Variants in DYNLT2 observed in about 807,000 individuals in gnomAD.
DYNLT2 encodes dynein light chain Tctex-type protein 2.
A neutral mutation model predicts 24.3 loss-of-function variants in DYNLT2; 24 were observed. The ratio of observed to expected loss-of-function variants is 0.99; its 90% CI spans 0.71 to 1.39. DYNLT2 has a LOEUF of 1.39. DYNLT2 is among the 40% of genes most tolerant of loss of function. The pLI is 0.00. For missense variants in DYNLT2, 246 were observed against 234.5 expected (o/e 1.05, Z -0.32); for synonymous variants, 85 against 85.4 (o/e 1.00, Z 0.03).
the DYNLT2 span, among the ~76,000 whole-genome samples, chr6:169,732,977 C>A: frequency 6.6e-6 from 1 of 152,186 alleles, no homozygotes; most frequent in African/African-American, 2.4e-5. Context: ...AATCACCATT[C>A]TGACTGGTGT....
At chr6:169,740,831 A>G (rs984109248) in intron 3 of DYNLT2, among the ~76,000 whole-genome samples, 3 of 147,464 alleles carry the variant, frequency 2.0e-5, no homozygotes, top group African/African-American at 7.6e-5. Context: ...TTTTTGAGAC[A>G]TAGTTTCACT....
the DYNLT2 span, among the ~76,000 whole-genome samples, chr6:169,728,425 A>G: frequency 6.6e-6 from 1 of 152,242 alleles, no homozygotes; most frequent in African/African-American, 2.4e-5. Context: ...TGGCGACAGC[A>G]AAGTCTAGAG....
Position 169,744,090 on chromosome 6 carries a change from G to C in DYNLT2, c.305C>G (p.Thr102Ser). 1 of 1,612,454 alleles carries C rather than the reference G, an allele frequency of 6.2e-7. No homozygotes were observed. ...TACTGTTAGTATCTGCTGGACTTTAGTTTCTACTGAATGAGCTTGGAATTT... is the reference window on the plus strand; with the variant it reads ...TACTGTTAGTATCTGCTGGACTTTACTTTCTACTGAATGAGCTTGGAATTT... ...LKKFQAHSVE[T>S]KVQQILTESL... is the part of the protein sequence containing the mutation. The change falls in exon 2 of 4, where the codon ACT (threonine) becomes AGT (serine). Residue 102 changes from threonine (T) to serine (S), a missense_variant. Thr to Ser is a moderately conservative substitution (Grantham distance 58). Coordinates refer to ENST00000366774, the MANE Select transcript of DYNLT2 (RefSeq NM_174910.3).
rs993055180 is a variant in DYNLT2 at position 169,740,373 on chromosome 6, T to A, written c.487-78A>T. The A allele has an allele frequency of 3.4e-5, 28 of 813,480 alleles. No individual in the cohort carries two copies. The African/African-American group carries it at 3.6e-4, about 10-fold the overall frequency. 50.4% of individuals were successfully genotyped at this position (813,480 alleles called of 1,614,324 possible). On this transcript the variant is annotated intron_variant, in intron 3 of 3. Transcript: ENST00000366774. Reference sequence around the variant, plus strand: ...AATTTTCAAATCTACACTAGTTTTTTAAAAATGAATGCATCAGTATCTCAG... The same window carrying A: ...AATTTTCAAATCTACACTAGTTTTTAAAAAATGAATGCATCAGTATCTCAG...
chr6:169,751,366 C>T lies in DYNLT2; in HGVS notation c.93G>A (p.Arg31=). ...CCTCCTTCTCGAACATGCTAGGCCTCCTTTCTTTCCTAGGCGTCACCGGAG... is the reference window on the plus strand; with the variant it reads ...CCTCCTTCTCGAACATGCTAGGCCTTCTTTCTTTCCTAGGCGTCACCGGAG... ...QQAPVTPRKE[R]RPSMFEKEAY... Residue 31 remains arginine, a synonymous_variant, in exon 1 of 4, where the codon AGG becomes AGA. Transcript: ENST00000366774. 6.2e-6 allele frequency: 10 copies of T among 1,614,140 alleles called. No individual in the cohort carries two copies. The highest frequency in any genetic ancestry group is 8.5e-6 in the Non-Finnish European group (10 of 1,180,018).
In DYNLT2 at chr6:169,744,205, C is replaced by T. The variant is rs1374244935; in HGVS notation, c.190G>A (p.Asp64Asn). The change falls in exon 2 of 4, where the codon GAT becomes AAT. Residue 64 changes from aspartate (D) to asparagine (N), a missense_variant. Physicochemically the swap from Asp to Asn is conservative, Grantham distance 23. Coordinates refer to ENST00000366774, the MANE Select transcript of DYNLT2 (RefSeq NM_174910.3). ...TTACCTATATCAGCAATTGAGTCATCAAAAGGAGGCTCCACATACTGAACA... is the reference window on the plus strand; with the variant it reads ...TTACCTATATCAGCAATTGAGTCATTAAAAGGAGGCTCCACATACTGAACA... ...HNVQYVEPPFDDSIADIGKEW... is the reference protein window; with the variant it reads ...HNVQYVEPPFNDSIADIGKEW... 6.2e-7 allele frequency: 1 copy of T among 1,613,746 alleles called. No individual in the cohort carries two copies. Among genetic ancestry groups the T allele is most frequent in the Non-Finnish European group, 8.5e-7 (1 of 1,179,976 alleles).
chr6:169,734,577 A>G, the DYNLT2 span, among the ~76,000 whole-genome samples: 1 of 152,078 alleles, frequency 6.6e-6, no homozygotes, highest in South Asian at 2.1e-4. Flanking sequence ...TGTTTATGAG[A>G]TGGATTACAT....
intron 3 of DYNLT2, among the ~76,000 whole-genome samples, chr6:169,741,819 C>T (rs1240569229): frequency 6.6e-6 from 1 of 152,170 alleles, no homozygotes; most frequent in East Asian, 1.9e-4. Context: ...TGTCATATCC[C>T]TACCTTAATG....
downstream of DYNLT2, among the ~76,000 whole-genome samples, chr6:169,736,169 G>A (rs886476218): frequency 6.8e-6 from 1 of 147,996 alleles, no homozygotes; most frequent in Non-Finnish European, 1.5e-5. Context: ...CCATTTGCTT[G>A]GTAAATTTTC....
chr6:169,742,661 C>G (rs893172701), intron 3 of DYNLT2, among the ~76,000 whole-genome samples: 1 of 151,944 alleles, frequency 6.6e-6, no homozygotes, highest in Non-Finnish European at 1.5e-5. Flanking sequence ...TGCAGTGGAG[C>G]GAACTCGGGC....
intron 1 of DYNLT2, among the ~76,000 whole-genome samples, chr6:169,746,768 T>C (rs887200334): frequency 2.0e-5 from 3 of 152,060 alleles, no homozygotes; most frequent in Non-Finnish European, 4.4e-5. Flanking sequence ...GTGCTGGTAA[T>C]GTATTAACGG....
chr6:169,727,111 T>C, the DYNLT2 span, among the ~76,000 whole-genome samples: 1 of 152,216 alleles, frequency 6.6e-6, no homozygotes, highest in East Asian at 1.9e-4. Flanking sequence ...GAAGAATACA[T>C]TGTATTTATC....
rs377540074 is a variant in DYNLT2, at chr6:169,744,114, T to A, written c.281A>T (p.Lys94Ile). ...AGTTTCTACTGAATGAGCTTGGAAT[T>A]TCTTCAATGGCTCCATTCTATATGA... ...ANSYRMEPLK[K>I]FQAHSVETKV... The change falls in exon 2 of 4, where the codon AAA (lysine) becomes ATA (isoleucine). Residue 94 changes from lysine (K) to isoleucine (I), a missense_variant. Transcript: ENST00000366774. 6 of 1,612,966 alleles carry A rather than the reference T, an allele frequency of 3.7e-6. No homozygotes were observed. Among genetic ancestry groups the A allele is most frequent in the Non-Finnish European group, 5.1e-6 (6 of 1,179,988 alleles).
rs572488038 is a variant in DYNLT2, at chr6:169,744,252, C to G, written c.143G>C (p.Arg48Thr). 6.2e-7 allele frequency: 1 copy of G among 1,613,540 alleles called. No homozygotes were observed. Among genetic ancestry groups the G allele is most frequent in the Non-Finnish European group, 8.5e-7 (1 of 1,179,878 alleles). The change falls in exon 2 of 4, where the codon AGA (arginine) becomes ACA (threonine). Residue 48 changes from arginine to threonine, a missense_variant. By Grantham distance (71) the Arg-to-Thr change is moderately conservative (BLOSUM62 -1). Transcript: ENST00000366774. ...AACATTGTGAATTGACTCTCTCAGT[C>G]TTTCTCTTAAAATCTGTGTATACTG... Reference protein sequence around the residue: ...KEAYTQILRERLRESIHNVQY... With the variant: ...KEAYTQILRETLRESIHNVQY...
chr6:169,740,418 A>C, intron 3 of DYNLT2, 123 bp from the exon 4 acceptor site: 1 of 641,134 alleles, frequency 1.6e-6, no homozygotes, highest in Non-Finnish European at 2.8e-6. Context: ...TTAAGATGTA[A>C]TTTGTCTGGT....
chr6:169,728,170 AG>A, the DYNLT2 span, among the ~76,000 whole-genome samples: 8 of 152,208 alleles, frequency 5.3e-5, no homozygotes, highest in Non-Finnish European at 1.0e-4. Flanking sequence ...GGTGAGGAAG[AG>A]GGACAAAGAA....
the DYNLT2 span, among the ~76,000 whole-genome samples, chr6:169,734,247 C>T: frequency 1.6e-3 from 250 of 152,304 alleles, 3 homozygotes; most frequent in South Asian, 9.1e-3. Flanking sequence ...AACTTGACTT[C>T]CTCTGCCCCT....
At chr6:169,728,564 A>G in the DYNLT2 span, among the ~76,000 whole-genome samples, 1 of 152,240 alleles carries the variant, frequency 6.6e-6, no homozygotes, top group Non-Finnish European at 1.5e-5. Context: ...TGATCTTAAT[A>G]ATCAAAGAGA....
chr6:169,725,184 T>G, the DYNLT2 span: 3 of 398,696 alleles, frequency 7.5e-6, no homozygotes, highest in Non-Finnish European at 1.3e-5. Flanking sequence ...CAAGCCTGGG[T>G]CCGGGGCGGC....
Sources: gnomAD v4.1 joint callset for allele counts (sites outside exome capture counted in the v4.1 genomes callset) on GRCh38, gnomAD v4.1.1 for gene constraint, MANE v1.5 for transcripts, NCBI Gene and HGNC (gene_info 2026-07-23, HGNC 2026-07-21) for gene names.